Variants in NTRK2 observed in about 807,000 individuals in gnomAD.
The protein encoded by NTRK2 is BDNF/NT-3 growth factors receptor.
A neutral mutation model predicts 94.5 loss-of-function variants in NTRK2; 13 were observed. The observed-to-expected ratio is 0.14, with a 90% CI of 0.09 to 0.22. The LOEUF (loss-of-function observed/expected upper bound fraction) is 0.22. NTRK2 is among the 10% of genes least tolerant of loss of function. The pLI is 1.00. For synonymous variants in NTRK2, 372 were observed against 407.4 expected, an observed-to-expected ratio of 0.91 and a Z score of 1.05; for missense variants, 639 against 1,071.2, an observed-to-expected ratio of 0.60 and a Z score of 5.63.
chr9:84,763,012 G>C (rs1420914266), intron 12 of NTRK2, among the ~76,000 whole-genome samples: 2 of 152,176 alleles, frequency 1.3e-5, no homozygotes, highest in East Asian at 3.8e-4. Flanking sequence ...GTACCATCTT[G>C]TGTTCCTAAC....
At chr9:84,724,080 C>T (rs368316302) in intron 7 of NTRK2, 144 bp from the exon 8 acceptor site, 7 of 841,566 alleles carry the variant, frequency 8.3e-6, no homozygotes, top group Admixed American at 6.7e-5. Context: ...TGATTTACTT[C>T]TTCGCCTGAG....
At chr9:84,945,971 C>T (rs1217722730) in intron 15 of NTRK2, among the ~76,000 whole-genome samples, 1 of 152,186 alleles carries the variant, frequency 6.6e-6, no homozygotes, top group Non-Finnish European at 1.5e-5. Flanking sequence ...GGAACTTCAC[C>T]TGTGGCACAT....
At chr9:84,675,014 G>GCA (rs1186669424) in intron 2 of NTRK2, among the ~76,000 whole-genome samples, 7 of 152,346 alleles carry the variant, frequency 4.6e-5, no homozygotes, top group Non-Finnish European at 1.0e-4. Flanking sequence ...GTTATTACAA[G>GCA]CAAGTATTGG....
chr9:84,725,515 A>G (rs1364901109), intron 8 of NTRK2, among the ~76,000 whole-genome samples: 1 of 151,998 alleles, frequency 6.6e-6, no homozygotes, highest in East Asian at 1.9e-4. Flanking sequence ...GGCTGGTGGG[A>G]GGAAGGTAAG....
intron 2 of NTRK2, among the ~76,000 whole-genome samples, chr9:84,672,822 T>A (rs935358415): frequency 6.6e-6 from 1 of 152,240 alleles, no homozygotes; most frequent in Non-Finnish European, 1.5e-5. Flanking sequence ...TCAGCAGAGC[T>A]TTCTTATATC....
intron 17 of NTRK2, among the ~76,000 whole-genome samples, chr9:84,956,849 TG>T (rs373494552): frequency 0.028 from 1,245 of 44,842 alleles, 10 homozygotes; most frequent in African/African-American, 0.096. Context: ...TGTTTTGTGG[TG>T]TTTTTTTTTT....
rs2076860206 is a variant in NTRK2 at position 84,899,435 on chromosome 9, A to G, written c.1633+32004A>G. 1.3e-5 allele frequency among the ~76,000 whole-genome samples: 2 copies of G among 152,206 alleles called. 1 individual carries two copies. Among genetic ancestry groups the G allele is most frequent in the Admixed American group, 1.3e-4 (2 of 15,278 alleles). On this transcript the variant is annotated intron_variant, in intron 14 of 18. Coordinates refer to ENST00000277120, the MANE Select transcript of NTRK2 (RefSeq NM_006180.6). ...GTTGAATTTTTAACAGTTCTGTTAC[A>G]CCACTAATCCTTATCCTTTACTTTT...
At chr9:84,974,150 A>G (rs1463484316) in intron 17 of NTRK2, among the ~76,000 whole-genome samples, 1 of 152,120 alleles carries the variant, frequency 6.6e-6, no homozygotes, top group Non-Finnish European at 1.5e-5. Flanking sequence ...TTTGTTCTGG[A>G]TGTTTGTGTG....
At chr9:84,721,271 G>A (rs1007877116) in intron 6 of NTRK2, among the ~76,000 whole-genome samples, 6 of 151,832 alleles carry the variant, frequency 4.0e-5, no homozygotes, top group African/African-American at 1.5e-4. Flanking sequence ...CGCCTCCCGG[G>A]TTCAAGCAAT....
At chr9:84,741,849 C>T (rs2063675224) in intron 9 of NTRK2, 43 bp from the exon 10 acceptor site, 1 of 1,588,894 alleles carries the variant, frequency 6.3e-7, no homozygotes, top group Non-Finnish European at 8.6e-7. Context: ...TTTTTGACTC[C>T]AAAATGCATA....
intron 12 of NTRK2, among the ~76,000 whole-genome samples, chr9:84,762,014 C>T (rs528309543): frequency 2.0e-5 from 3 of 151,952 alleles, no homozygotes; most frequent in Admixed American, 6.6e-5. Context: ...AAGTCTCACA[C>T]GATCTGAGGT....
chr9:84,882,063 C>T (rs2076269025), intron 14 of NTRK2, among the ~76,000 whole-genome samples: 1 of 152,142 alleles, frequency 6.6e-6, no homozygotes, highest in Non-Finnish European at 1.5e-5. Context: ...CAAGAACATA[C>T]AACTACTAGG....
chr9:84,907,513 CA>C (rs1384424179), intron 14 of NTRK2, among the ~76,000 whole-genome samples: 1 of 152,096 alleles, frequency 6.6e-6, no homozygotes, highest in African/African-American at 2.4e-5. Flanking sequence ...AAATGTGGAA[CA>C]AAAAACAGCA....
chr9:84,970,526 A>G (rs968826519), intron 17 of NTRK2, among the ~76,000 whole-genome samples: 1 of 152,152 alleles, frequency 6.6e-6, no homozygotes, highest in Admixed American at 6.5e-5. Flanking sequence ...TATTGTAACT[A>G]TCTGTGCATA....
At chr9:84,978,235 C>T (rs549106814) in intron 17 of NTRK2, among the ~76,000 whole-genome samples, 1 of 152,314 alleles carries the variant, frequency 6.6e-6, no homozygotes, top group East Asian at 1.9e-4. Context: ...AGCGAGGCCT[C>T]TTGTGACAGG....
At chr9:84,863,634 C>T (rs1374531753) in intron 13 of NTRK2, among the ~76,000 whole-genome samples, 1 of 152,172 alleles carries the variant, frequency 6.6e-6, no homozygotes, top group African/African-American at 2.4e-5. Flanking sequence ...GCTTCTTCTG[C>T]CTTCTCAACT....
rs745611460 is a variant in NTRK2 at position 84,755,525 on chromosome 9, C to CTTTT, written c.1396+3465_1396+3468dup. Among the ~76,000 whole-genome samples the CTTTT allele has an allele frequency of 1.4e-3, 83 of 60,648 alleles. 3 individuals carry two copies. The highest frequency in any genetic ancestry group is 5.0e-3 in the African/African-American group (72 of 14,374). The allele number at this position is 60,648 out of a possible 152,430, so 39.8% of individuals were successfully genotyped here. A position where few individuals can be genotyped will look rare whatever the true frequency, so the allele number is the denominator to read the frequency against. ...TTCTAAAAGAGACAAAGTCCCACCT[C>CTTTT]TTTTTTTTTTTTTTTTTTTTTTTTT... On this transcript the variant is annotated intron_variant, in intron 12 of 18. Coordinates refer to ENST00000277120, the MANE Select transcript of NTRK2 (RefSeq NM_006180.6).
chr9:84,874,365 G>A (rs1473607833), intron 14 of NTRK2: 1 of 1,065,072 alleles, frequency 9.4e-7, no homozygotes, highest in Non-Finnish European at 1.1e-6. Context: ...ACAAAGTGAA[G>A]GTTTTCTCCC....
chr9:84,706,961 T>G (rs2061140846), intron 4 of NTRK2, among the ~76,000 whole-genome samples: 1 of 152,334 alleles, frequency 6.6e-6, no homozygotes, highest in Admixed American at 6.5e-5. Context: ...ATGTTTATTT[T>G]ACATTCATTT....
Sources: gnomAD v4.1 joint callset for allele counts (sites outside exome capture counted in the v4.1 genomes callset) on GRCh38, gnomAD v4.1.1 for gene constraint, MANE v1.5 for transcripts, NCBI Gene and HGNC (gene_info 2026-07-23, HGNC 2026-07-21) for gene names.